TENM4: variants seen among roughly 807,000 people sequenced by gnomAD.
TENM4 encodes teneurin transmembrane protein 4.
Under a neutral mutation model 243.3 loss-of-function variants are expected in TENM4, and 82 were observed. The observed-to-expected ratio is 0.34, with a 90% CI of 0.28 to 0.40. The LOEUF (loss-of-function observed/expected upper bound fraction) is 0.40, where lower values mean the gene tolerates loss of function less well. Ranked by LOEUF, TENM4 falls within the 10% of genes least tolerant of loss-of-function variation. TENM4 has a pLI of 1.00. For synonymous variants in TENM4, 1,412 were observed against 1,456.3 expected (o/e 0.97, Z 0.69); for missense variants, 3,138 against 3,673.3 (o/e 0.85, Z 3.77).
chr11:79,168,442 A>G (rs1051874344), intron 3 of TENM4, among the ~76,000 whole-genome samples: 5 of 152,136 alleles, frequency 3.3e-5, no homozygotes, highest in African/African-American at 4.8e-5. Context: ...AAGGGACTGC[A>G]AGCTACTTTC....
chr11:79,299,095 C>T (rs948939211), intron 1 of TENM4, among the ~76,000 whole-genome samples: 2 of 151,944 alleles, frequency 1.3e-5, no homozygotes, highest in African/African-American at 4.8e-5. Context: ...CATACACACA[C>T]ACATACATAC....
In TENM4 at chr11:79,014,938, C is replaced by G. The variant is rs576294100; in HGVS notation, c.493+49800G>C. 2.6e-5 allele frequency among the ~76,000 whole-genome samples: 4 copies of G among 152,342 alleles called. No homozygotes were observed. The South Asian group carries it at 8.3e-4, about 32-fold the overall frequency. On this transcript the variant is annotated intron_variant, in intron 6 of 33. Transcript: ENST00000278550. ...TGCCCCTGCACTAACTTCATTGTTT[C>G]ACTCTACACAGTTGTAAAGTGTTCC... is the stretch of plus-strand genomic sequence containing the variant.
At chr11:79,430,923 A>G (rs1400372352) in intron 1 of TENM4, among the ~76,000 whole-genome samples, 1 of 152,226 alleles carries the variant, frequency 6.6e-6, no homozygotes, top group Non-Finnish European at 1.5e-5. Flanking sequence ...AAACTCTAGA[A>G]TAGATAAGCC....
intron 2 of TENM4, among the ~76,000 whole-genome samples, chr11:79,262,227 C>T (rs774841214): frequency 6.6e-6 from 1 of 152,160 alleles, no homozygotes; most frequent in Non-Finnish European, 1.5e-5. Flanking sequence ...ATAATGACGC[C>T]TGCCTCACTG....
intron 2 of TENM4, among the ~76,000 whole-genome samples, chr11:79,280,708 C>A (rs191488152): frequency 6.6e-6 from 1 of 152,284 alleles, no homozygotes; most frequent in East Asian, 1.9e-4. Context: ...TCTTGAGAGG[C>A]CCCTGGGTAT....
chr11:79,434,954 T>A (rs1859241834), intron 1 of TENM4, among the ~76,000 whole-genome samples: 1 of 152,194 alleles, frequency 6.6e-6, no homozygotes, highest in East Asian at 1.9e-4. Flanking sequence ...AGGTACTCAT[T>A]AAATTATATC....
chr11:78,954,533 T>C (rs769691400), intron 6 of TENM4, among the ~76,000 whole-genome samples: 4 of 152,214 alleles, frequency 2.6e-5, no homozygotes, highest in Non-Finnish European at 4.4e-5. Flanking sequence ...ACCTATCAGT[T>C]GCCAATGTCC....
intron 6 of TENM4, among the ~76,000 whole-genome samples, chr11:79,018,187 ACCACATGTTCCAGTTGG>A (rs1377781811): frequency 6.6e-6 from 1 of 152,134 alleles, no homozygotes; most frequent in Non-Finnish European, 1.5e-5. Context: ...GGCTGGGATG[ACCACATGTTCCAGTTGG>A]CCCAGGATGA....
chr11:78,766,226 T>A (rs1217496683), intron 18 of TENM4, among the ~76,000 whole-genome samples: 1 of 152,220 alleles, frequency 6.6e-6, no homozygotes, highest in Non-Finnish European at 1.5e-5. Flanking sequence ...TTAATCATTG[T>A]GCTATGTTGC....
At chr11:79,297,669 T>C (rs1307446820) in intron 1 of TENM4, 126 bp from the exon 2 acceptor site, 1 of 152,438 alleles carries the variant, frequency 6.6e-6, no homozygotes, top group Non-Finnish European at 1.5e-5. Context: ...AAACTGTGAG[T>C]GGTCAGGGGC....
At chr11:79,286,501 A>C (rs1383951660) in intron 2 of TENM4, among the ~76,000 whole-genome samples, 2 of 11,352 alleles carry the variant, frequency 1.8e-4, no homozygotes, top group Non-Finnish European at 3.7e-4. Context: ...AAAAAATCCA[A>C]AAAAAAAAAA....
intron 6 of TENM4, among the ~76,000 whole-genome samples, chr11:79,054,484 G>A (rs1333941772): frequency 6.6e-6 from 1 of 151,924 alleles, no homozygotes; most frequent in East Asian, 1.9e-4. Flanking sequence ...CAAGGTCCAG[G>A]CATATTCCAG....
chr11:78,829,507 T>C (rs571039901), intron 12 of TENM4, among the ~76,000 whole-genome samples: 3 of 152,040 alleles, frequency 2.0e-5, no homozygotes, highest in African/African-American at 7.2e-5. Context: ...GTAGGTAAAA[T>C]GAAACCTAGT....
chr11:79,358,991 G>T (rs143024614), intron 1 of TENM4, among the ~76,000 whole-genome samples: 1,756 of 150,814 alleles, frequency 0.012, 30 homozygotes, highest in African/African-American at 0.041. Context: ...CTATGGCTAG[G>T]CATGGTGGCT....
intron 9 of TENM4, among the ~76,000 whole-genome samples, chr11:78,865,321 C>T (rs148536101): frequency 1.3e-5 from 2 of 152,266 alleles, no homozygotes; most frequent in African/African-American, 2.4e-5. Flanking sequence ...GTTGCAGAGA[C>T]GAGACTATAA....
At chr11:78,743,472 A>T (rs1407265117) in intron 19 of TENM4, among the ~76,000 whole-genome samples, 1 of 152,212 alleles carries the variant, frequency 6.6e-6, no homozygotes, top group Non-Finnish European at 1.5e-5. Context: ...TATTTATGCA[A>T]TGAATAAAGA....
intron 5 of TENM4, among the ~76,000 whole-genome samples, chr11:79,067,243 T>G (rs900818627): frequency 6.6e-6 from 1 of 152,290 alleles, no homozygotes; most frequent in African/African-American, 2.4e-5. Context: ...CGTGCCCTAC[T>G]CCAATCTGCC....
chr11:78,927,827 TA>T (rs1856583978), intron 6 of TENM4, among the ~76,000 whole-genome samples: 1 of 148,558 alleles, frequency 6.7e-6, no homozygotes, highest in African/African-American at 2.5e-5. Context: ...CCTTCCATCC[TA>T]AAAGGAAGAA....
Position 78,768,224 on chromosome 11 carries a change from C to G in TENM4, c.2539+2768G>C, listed in dbSNP as rs149144501. On this transcript the variant is annotated intron_variant, in intron 18 of 33. Transcript: ENST00000278550. ...GCTCCCGCAGTGGGTGGACAGCCCA[C>G]TGAACTGAGAGGGCCCTGAGGTGAG... 2.8e-4 allele frequency among the ~76,000 whole-genome samples: 42 copies of G among 152,368 alleles called. No homozygotes were observed. The East Asian group carries it at 3.1e-3, about 11-fold the overall frequency.
Sources: gnomAD v4.1 joint callset for allele counts (sites outside exome capture counted in the v4.1 genomes callset) on GRCh38, gnomAD v4.1.1 for gene constraint, MANE v1.5 for transcripts, NCBI Gene and HGNC (gene_info 2026-07-23, HGNC 2026-07-21) for gene names.